The following ABLIM3 variants were observed in gnomAD, a reference collection of about 807,000 sequenced individuals.
ABLIM3 encodes actin binding LIM protein family member 3, also known as actin-binding LIM protein 3.
In ABLIM3, 61 loss-of-function variants were observed where a neutral mutation model predicts 109.5. That is an observed-to-expected ratio of 0.56 (90% CI 0.45 to 0.69). The LOEUF (loss-of-function observed/expected upper bound fraction) is 0.69. Among genes scored for constraint, ABLIM3 ranks in the 30% least tolerant of loss-of-function variants. ABLIM3 has a pLI of 0.00. For synonymous variants in ABLIM3, 300 were observed against 324.8 expected, an observed-to-expected ratio of 0.92 and a Z score of 0.82; for missense variants, 796 against 889.5, an observed-to-expected ratio of 0.89 and a Z score of 1.34.
intron 5 of ABLIM3, among the ~76,000 whole-genome samples, chr5:149,202,333 A>G (rs1291111376): frequency 3.3e-5 from 5 of 152,252 alleles, no homozygotes; most frequent in Admixed American, 6.5e-5. Context: ...AAATGAGCAC[A>G]TGGACAGTTT....
In ABLIM3 at chr5:149,237,518, A is replaced by T. The variant is rs1752327193; in HGVS notation, c.959A>T (p.Glu320Val). Reference protein sequence around the residue: ...AALPKVKSIYEVQRPDLISYE... With the variant: ...AALPKVKSIYVVQRPDLISYE... ...CTCCCCAAGGTTAAGTCTATCTACGAGGTACAACGCCCCGACCTCATTTCC... is the reference window on the plus strand; with the variant it reads ...CTCCCCAAGGTTAAGTCTATCTACGTGGTACAACGCCCCGACCTCATTTCC... Residue 320 changes from glutamate (E) to valine (V), a missense_variant, in exon 11 of 24, where the codon GAG becomes GTG. By Grantham distance (121) the Glu-to-Val change is moderately radical. Transcript: ENST00000309868. 6.2e-7 allele frequency: 1 copy of T among 1,614,074 alleles called. No individual in the cohort carries two copies.
At chr5:149,199,231 T>A in intron 4 of ABLIM3, 1 of 414,726 alleles carries the variant, frequency 2.4e-6, no homozygotes. Context: ...CAGCTCTGAT[T>A]ACATCATAAG....
intron 2 of ABLIM3, among the ~76,000 whole-genome samples, chr5:149,143,662 G>A (rs1752685013): frequency 6.6e-6 from 1 of 152,070 alleles, no homozygotes; most frequent in Admixed American, 6.6e-5. Context: ...TGCTAAGCTA[G>A]CGAGTGTGGC....
chr5:149,222,101 GATA>G (rs1355738562), intron 8 of ABLIM3, among the ~76,000 whole-genome samples: 10 of 150,618 alleles, frequency 6.6e-5, no homozygotes, highest in African/African-American at 2.4e-4. Flanking sequence ...CAATAATAAT[GATA>G]ATAATAAAAA....
intron 3 of ABLIM3, among the ~76,000 whole-genome samples, chr5:149,188,255 G>A (rs1483357036): frequency 1.3e-5 from 2 of 152,104 alleles, no homozygotes; most frequent in Non-Finnish European, 2.9e-5. Flanking sequence ...ACATGATCTT[G>A]TATAGCAAAT....
intron 2 of ABLIM3, among the ~76,000 whole-genome samples, chr5:149,163,627 C>T (rs79027464): frequency 1.4e-3 from 217 of 152,206 alleles, no homozygotes; most frequent in African/African-American, 5.1e-3. Context: ...CTTATAAGGA[C>T]ACCAGTCATA....
At chr5:149,191,513 A>G (rs1451063508) in intron 3 of ABLIM3, among the ~76,000 whole-genome samples, 1 of 152,042 alleles carries the variant, frequency 6.6e-6, no homozygotes, top group Non-Finnish European at 1.5e-5. Flanking sequence ...CAAATCATCT[A>G]TGTCTTATAG....
chr5:149,182,902 C>T (rs901820223), intron 2 of ABLIM3, among the ~76,000 whole-genome samples: 1 of 152,136 alleles, frequency 6.6e-6, no homozygotes, highest in Non-Finnish European at 1.5e-5. Context: ...AGCCAGAGTG[C>T]CTCCCCTTCC....
chr5:149,251,002 T>C (rs77265750), intron 20 of ABLIM3, among the ~76,000 whole-genome samples: 3,190 of 152,048 alleles, frequency 0.021, 103 homozygotes, highest in African/African-American at 0.074. Context: ...CGTGCTGTTA[T>C]GGAAAAAGAA....
chr5:149,221,238 C>T (rs779331708), intron 8 of ABLIM3, among the ~76,000 whole-genome samples: 1 of 152,130 alleles, frequency 6.6e-6, no homozygotes, highest in African/African-American at 2.4e-5. Flanking sequence ...GAGGCAGGCC[C>T]ACTTACCTGG....
In ABLIM3 at chr5:149,258,960, A is replaced by C; in HGVS notation, c.*556A>C. 1.0e-6 allele frequency: 1 copy of C among 991,004 alleles called. No homozygotes were observed. The highest frequency in any genetic ancestry group is 4.6e-5 in the South Asian group (1 of 21,652). The allele number at this position is 991,004 out of a possible 1,614,324, so 61.4% of individuals were successfully genotyped here. On this transcript the variant is annotated 3_prime_UTR_variant, in exon 24 of 24. Transcript: ENST00000309868. ...AAAAGGGTGAGCCTCAAATCTAGTC[A>C]TTACACCAGTCAACAGAAGTGGACA...
At chr5:149,257,287 A>G (rs10053748) in intron 23 of ABLIM3, among the ~76,000 whole-genome samples, 25,447 of 148,168 alleles carry the variant, frequency 0.17, 5,365 homozygotes, top group African/African-American at 0.5. Context: ...GTGACAAAGC[A>G]AAACTCTGTC....
chr5:149,239,767 C>T lies in ABLIM3; in HGVS notation c.1083C>T (p.Tyr361=), dbSNP rs536555002. The part of the protein sequence containing the change: ...GTLSPYSQDI[Y]ENLDLRQRRA... ...CCCATTTCCTCTCCCAGGACATCTA[C>T]GAGAACCTGGACCTCCGGCAGAGAC... Residue 361 remains tyrosine (Y), a synonymous_variant, in exon 13 of 24, where the codon TAC becomes TAT. Coordinates refer to ENST00000309868, the MANE Select transcript of ABLIM3 (RefSeq NM_014945.5). 1.3e-5 allele frequency: 21 copies of T among 1,604,646 alleles called. No individual in the cohort carries two copies. Among genetic ancestry groups the T allele is most frequent in the Admixed American group, 5.1e-5 (3 of 58,738 alleles).
chr5:149,171,384 A>G (rs1172804601), intron 2 of ABLIM3, among the ~76,000 whole-genome samples: 1 of 152,152 alleles, frequency 6.6e-6, no homozygotes, highest in South Asian at 2.1e-4. Flanking sequence ...TGTATATTGC[A>G]TCTTATTCTT....
At chr5:149,233,078 T>A (rs548180238) in intron 9 of ABLIM3, 151 bp from the exon 10 acceptor site, 1 of 700,132 alleles carries the variant, frequency 1.4e-6, no homozygotes, top group East Asian at 2.7e-5. Flanking sequence ...AGACCTTGAC[T>A]TGAAAGACAG....
At chr5:149,201,377 G>T (rs1327504666) in intron 5 of ABLIM3, among the ~76,000 whole-genome samples, 1 of 152,144 alleles carries the variant, frequency 6.6e-6, no homozygotes, top group African/African-American at 2.4e-5. Context: ...CTGCATCACT[G>T]TGCGGGTGCA....
At chr5:149,239,997 G>C in intron 13 of ABLIM3, 109 bp downstream of exon 13, 1 of 1,429,380 alleles carries the variant, frequency 7.0e-7, no homozygotes, top group South Asian at 1.6e-5. Flanking sequence ...CTCCATCACA[G>C]TGTGGCCCTC....
At chr5:149,231,045 G>A (rs751553584) in intron 9 of ABLIM3, among the ~76,000 whole-genome samples, 6 of 152,156 alleles carry the variant, frequency 3.9e-5, no homozygotes, top group Non-Finnish European at 7.3e-5. Context: ...AAGGTCACTC[G>A]TTAATAATAA....
Position 149,162,599 on chromosome 5 carries a change from T to C in ABLIM3, c.13+20491T>C, listed in dbSNP as rs1007135350. 2.3e-4 allele frequency among the ~76,000 whole-genome samples: 35 copies of C among 152,268 alleles called. 1 individual carries two copies. The highest frequency in any genetic ancestry group is 2.0e-3 in the Admixed American group (30 of 15,304). ...CATGCCCGTCAGAGCAGGTGACTCA[T>C]TTTGGCCGACAGACCCACAATTTCA... On this transcript the variant is annotated intron_variant, in intron 2 of 23. Transcript: ENST00000309868.
Sources: gnomAD v4.1 joint callset for allele counts (sites outside exome capture counted in the v4.1 genomes callset) on GRCh38, gnomAD v4.1.1 for gene constraint, MANE v1.5 for transcripts, NCBI Gene and HGNC (gene_info 2026-07-23, HGNC 2026-07-21) for gene names.